The following PABIR3 variants were observed in gnomAD, a reference collection of about 807,000 sequenced individuals.
PABIR3 encodes PABIR family member 3.
Under a neutral mutation model 23.1 loss-of-function variants are expected in PABIR3, and 20 were observed. That is an observed-to-expected ratio of 0.86 (90% CI 0.61 to 1.26). The LOEUF (loss-of-function observed/expected upper bound fraction) is 1.26. Ranked by LOEUF, PABIR3 falls within the 50% of genes most tolerant of loss-of-function variation. PABIR3 has a pLI of 0.00. For synonymous variants in PABIR3, 69 were observed against 68.5 expected (o/e 1.01, Z -0.04); for missense variants, 189 against 195.4 (o/e 0.97, Z 0.20).
At chrX:134,840,451 T>C (rs1299297484) in intron 4 of PABIR3, among the ~76,000 whole-genome samples, 1 of 111,794 alleles carries the variant, frequency 8.9e-6, no homozygotes, top group Non-Finnish European at 1.9e-5. Flanking sequence ...CCATTACCTA[T>C]TGAATAATAA....
downstream of PABIR3, among the ~76,000 whole-genome samples, chrX:134,855,103 G>GT (rs869101677): frequency 4.3e-4 from 45 of 103,731 alleles, no homozygotes; most frequent in East Asian, 1.8e-3. Flanking sequence ...AATCTTAAGG[G>GT]TTTTTTTTTT....
chrX:134,850,686 G>A (rs2082602268), intron 9 of PABIR3, among the ~76,000 whole-genome samples: 1 of 112,080 alleles, frequency 8.9e-6, no homozygotes. Flanking sequence ...AAAGTATCTC[G>A]AGTTTTCTTA....
intron 4 of PABIR3, chrX:134,833,189 AT>A (rs1051566888): frequency 9.0e-6 from 1 of 111,605 alleles, no homozygotes; most frequent in Non-Finnish European, 1.9e-5. Flanking sequence ...TAAATGGAAA[AT>A]TTAAAACATG....
chrX:134,862,151 T>TTG, the PABIR3 span, among the ~76,000 whole-genome samples: 7 of 93,557 alleles, frequency 7.5e-5, no homozygotes, highest in African/African-American at 2.8e-4. Context: ...TGTTTTTTTT[T>TTG]TTTTTTTTTT....
intron 3 of PABIR3, among the ~76,000 whole-genome samples, chrX:134,816,885 T>C (rs2081010272): frequency 8.9e-6 from 1 of 111,809 alleles, no homozygotes; most frequent in Non-Finnish European, 1.9e-5. Context: ...TTTAAAAATA[T>C]TGCTCGTGGC....
intron 8 of PABIR3, 58 bp from the exon 9 acceptor site, chrX:134,849,109 T>G: frequency 1.8e-6 from 1 of 546,959 alleles, no homozygotes; most frequent in Non-Finnish European, 2.6e-6. Context: ...AATGAAATAG[T>G]CATTGTTGAT....
intron 3 of PABIR3, among the ~76,000 whole-genome samples, chrX:134,819,467 T>A (rs767806989): frequency 1.8e-5 from 2 of 111,932 alleles, no homozygotes; most frequent in African/African-American, 6.5e-5. Flanking sequence ...AAGTATCACT[T>A]CATTATTATT....
At position 134,845,333 on chromosome X, in the gene PABIR3, G is replaced by T. The variant is rs2148340604; in HGVS notation, c.291-14G>T. On this transcript the variant is annotated splice_polypyrimidine_tract_variant and intron_variant, in intron 5 of 10. Coordinates refer to ENST00000645433, the MANE Select transcript of PABIR3 (RefSeq NM_001388447.1). Reference sequence around the variant, plus strand: ...TTTCAGATAGGCAAACTGCAGTTTTGATTTCTTTTGTAGGAAGCTACAAAG... The same window carrying T: ...TTTCAGATAGGCAAACTGCAGTTTTTATTTCTTTTGTAGGAAGCTACAAAG... 1 of 1,203,693 alleles carries T rather than the reference G, an allele frequency of 8.3e-7. No homozygotes were observed. Among genetic ancestry groups the T allele is most frequent in the Non-Finnish European group, 1.1e-6 (1 of 892,353 alleles).
chrX:134,843,072 C>T (rs1277104406), intron 4 of PABIR3, among the ~76,000 whole-genome samples: 2 of 106,935 alleles, frequency 1.9e-5, no homozygotes, highest in Non-Finnish European at 3.9e-5. Flanking sequence ...TGGTGGCATG[C>T]GCCTGTAATC....
In PABIR3 at chrX:134,809,607, T is replaced by G. The variant is rs73568758; in HGVS notation, c.110+1899T>G. ...ACTAACTTTGCTCTTCACCTTTTGTTGCATCATACTAATTGATAGTTGTAA... is the reference window on the plus strand; with the variant it reads ...ACTAACTTTGCTCTTCACCTTTTGTGGCATCATACTAATTGATAGTTGTAA... On this transcript the variant is annotated intron_variant, in intron 2 of 10. Transcript: ENST00000645433. 2,450 of 750,859 alleles carry G rather than the reference T, an allele frequency of 3.3e-3. 49 individuals carry two copies. The African/African-American group carries it at 0.053, about 16-fold the overall frequency. 61.9% of individuals were successfully genotyped at this position (750,859 alleles called of 1,213,427 possible). A position where few individuals can be genotyped will look rare whatever the true frequency, so the allele number is the denominator to read the frequency against.
intron 3 of PABIR3, among the ~76,000 whole-genome samples, chrX:134,819,905 A>G (rs1211775393): frequency 5.4e-5 from 6 of 111,181 alleles, no homozygotes; most frequent in Non-Finnish European, 9.4e-5. Context: ...ACAAAAGCAA[A>G]CAAACAAACA....
intron 1 of PABIR3, chrX:134,797,177 C>T (rs1424218511): frequency 8.8e-6 from 1 of 114,041 alleles, no homozygotes; most frequent in Non-Finnish European, 1.9e-5. Flanking sequence ...TGGGCCAGTT[C>T]TTCCGCGTCC....
chrX:134,830,181 A>G (rs1360255987), intron 4 of PABIR3, among the ~76,000 whole-genome samples: 1 of 110,747 alleles, frequency 9.0e-6, no homozygotes. Context: ...CAGTGCACAA[A>G]GCCCATAATA....
intron 9 of PABIR3, among the ~76,000 whole-genome samples, chrX:134,850,095 G>A (rs370004384): frequency 9.2e-6 from 1 of 108,136 alleles, no homozygotes; most frequent in African/African-American, 3.4e-5. Flanking sequence ...GGCTGTTCTC[G>A]AACTCCTGAC....
upstream of PABIR3, chrX:134,804,332 T>C: frequency 1.3e-6 from 1 of 785,886 alleles, no homozygotes; most frequent in Non-Finnish European, 1.8e-6. Context: ...CATATAGAAT[T>C]CTTGCTGTTT....
At chrX:134,829,941 G>A (rs1164076759) in intron 4 of PABIR3, among the ~76,000 whole-genome samples, 2 of 112,100 alleles carry the variant, frequency 1.8e-5, no homozygotes, top group South Asian at 7.3e-4. Context: ...CTTTGACCCA[G>A]CTACAAGCAG....
intron 3 of PABIR3, among the ~76,000 whole-genome samples, chrX:134,828,014 TC>T (rs1856230717): frequency 2.2e-5 from 1 of 45,993 alleles, no homozygotes; most frequent in African/African-American, 9.4e-5. Flanking sequence ...CTCAGTGCTC[TC>T]TCTCTCTCTC....
intron 3 of PABIR3, chrX:134,821,273 C>A: frequency 1.1e-5 from 9 of 793,484 alleles, no homozygotes; most frequent in Non-Finnish European, 1.4e-5. Flanking sequence ...AAAAACTGTT[C>A]CCTCACAATT....
intron 3 of PABIR3, among the ~76,000 whole-genome samples, chrX:134,820,801 A>G (rs2081233323): frequency 9.1e-6 from 1 of 109,911 alleles, no homozygotes; most frequent in Admixed American, 1.0e-4. Flanking sequence ...CAGGCGGATT[A>G]CTTGAGTTCA....
Sources: gnomAD v4.1 joint callset for allele counts (sites outside exome capture counted in the v4.1 genomes callset) on GRCh38, gnomAD v4.1.1 for gene constraint, MANE v1.5 for transcripts, NCBI Gene and HGNC (gene_info 2026-07-23, HGNC 2026-07-21) for gene names.